TACR3: variants seen among roughly 807,000 people sequenced by gnomAD.
TACR3 encodes tachykinin receptor 3.
In TACR3, 34 loss-of-function variants were observed where a neutral mutation model predicts 35.0. The ratio of observed to expected loss-of-function variants is 0.97; its 90% CI spans 0.74 to 1.30. The LOEUF is 1.30. Among genes scored for constraint, TACR3 ranks in the 50% most tolerant of loss-of-function variants. The pLI is 0.00. For synonymous variants in TACR3, 233 were observed against 221.1 expected, an observed-to-expected ratio of 1.05 and a Z score of -0.48; for missense variants, 558 against 591.7, an observed-to-expected ratio of 0.94 and a Z score of 0.59.
At chr4:103,606,616 GC>G (rs1240327385) in intron 3 of TACR3, among the ~76,000 whole-genome samples, 1 of 151,924 alleles carries the variant, frequency 6.6e-6, no homozygotes. Flanking sequence ...TCATGATTTG[GC>G]TCTCTGTCTG....
chr4:103,595,766 A>ATACTT, intron 3 of TACR3, among the ~76,000 whole-genome samples: 1 of 151,626 alleles, frequency 6.6e-6, no homozygotes, highest in Non-Finnish European at 1.5e-5. Context: ...TTTTATTATT[A>ATACTT]TACTTTAAGT....
intron 1 of TACR3, among the ~76,000 whole-genome samples, chr4:103,718,547 T>A (rs1723140219): frequency 6.6e-6 from 1 of 152,196 alleles, no homozygotes; most frequent in Non-Finnish European, 1.5e-5. Context: ...AAACTGCTAG[T>A]TTACAGTAGT....
chr4:103,719,282 C>T lies in TACR3; in HGVS notation c.394G>A (p.Ala132Thr). The change falls in exon 1 of 5, where the codon GCC (alanine) becomes ACC (threonine). Residue 132 changes from alanine (A) to threonine (T), a missense_variant. By Grantham distance (58) the Ala-to-Thr change is moderately conservative. Coordinates refer to ENST00000304883, the MANE Select transcript of TACR3 (RefSeq NM_001059.3). Reference sequence around the variant, plus strand: ...AACGTGTTGAAGGCGGCCATGGAGGCGTCGGAGAAAGCCAGGTTCACAAGG... The same window carrying T: ...AACGTGTTGAAGGCGGCCATGGAGGTGTCGGAGAAAGCCAGGTTCACAAGG... ...YFLVNLAFSDASMAAFNTLVN... is the reference protein window; with the variant it reads ...YFLVNLAFSDTSMAAFNTLVN... 1 of 1,614,228 alleles carries T rather than the reference C, an allele frequency of 6.2e-7. No homozygotes were observed.
chr4:103,630,880 C>T (rs186941240), intron 3 of TACR3, among the ~76,000 whole-genome samples: 1 of 152,256 alleles, frequency 6.6e-6, no homozygotes, highest in African/African-American at 2.4e-5. Context: ...CACACACACA[C>T]GTGTGTTTAT....
chr4:103,710,859 A>C (rs947606127), intron 1 of TACR3, among the ~76,000 whole-genome samples: 8 of 152,226 alleles, frequency 5.3e-5, no homozygotes, highest in Non-Finnish European at 1.2e-4. Context: ...GAACACTATA[A>C]ACACTTCTAC....
intron 3 of TACR3, among the ~76,000 whole-genome samples, chr4:103,618,564 C>CTTTTTTTTTTTTTT (rs57837921): frequency 2.6e-4 from 16 of 61,444 alleles, no homozygotes; most frequent in African/African-American, 1.4e-3. Flanking sequence ...GTGACTTGGG[C>CTTTTTTTTTTTTTT]TTTTTTTTTT....
At chr4:103,702,302 G>A (rs1021813923) in intron 1 of TACR3, among the ~76,000 whole-genome samples, 1 of 152,140 alleles carries the variant, frequency 6.6e-6, no homozygotes, top group African/African-American at 2.4e-5. Flanking sequence ...ATGAAAAAAT[G>A]CTCATCATCA....
chr4:103,657,812 A>G (rs1473789088), intron 2 of TACR3, among the ~76,000 whole-genome samples: 1 of 152,130 alleles, frequency 6.6e-6, no homozygotes, highest in Non-Finnish European at 1.5e-5. Flanking sequence ...CCAAAATAAA[A>G]TTAGATAACC....
chr4:103,616,842 G>A (rs1724671466), intron 3 of TACR3, among the ~76,000 whole-genome samples: 1 of 152,170 alleles, frequency 6.6e-6, no homozygotes, highest in Non-Finnish European at 1.5e-5. Flanking sequence ...CAGCTACTCA[G>A]GAGGCTGAGG....
intron 1 of TACR3, among the ~76,000 whole-genome samples, chr4:103,715,079 A>C (rs535529125): frequency 1.5e-4 from 23 of 152,318 alleles, no homozygotes; most frequent in African/African-American, 5.1e-4. Flanking sequence ...TATTCATGTA[A>C]GGTATGCCAC....
intron 3 of TACR3, among the ~76,000 whole-genome samples, chr4:103,617,087 A>G (rs1016475085): frequency 6.6e-5 from 10 of 152,252 alleles, no homozygotes; most frequent in Non-Finnish European, 1.5e-4. Context: ...TTAATATGCT[A>G]CTTCACAATG....
intron 1 of TACR3, among the ~76,000 whole-genome samples, chr4:103,677,138 G>A (rs925523155): frequency 6.6e-6 from 1 of 152,120 alleles, no homozygotes; most frequent in Non-Finnish European, 1.5e-5. Flanking sequence ...TTAGAGAAAT[G>A]CATATCAAAA....
chr4:103,629,430 A>G (rs971474316), intron 3 of TACR3, among the ~76,000 whole-genome samples: 7 of 152,144 alleles, frequency 4.6e-5, no homozygotes, highest in African/African-American at 1.7e-4. Context: ...CTGATAAGCA[A>G]CTTCAGCAAA....
intron 3 of TACR3, among the ~76,000 whole-genome samples, chr4:103,617,670 A>G (rs1424385002): frequency 6.6e-6 from 1 of 152,200 alleles, no homozygotes; most frequent in Admixed American, 6.5e-5. Context: ...AAAATGATTC[A>G]TTATCGTTTA....
intron 3 of TACR3, among the ~76,000 whole-genome samples, chr4:103,597,393 C>G (rs935947292): frequency 6.6e-6 from 1 of 152,042 alleles, no homozygotes; most frequent in Non-Finnish European, 1.5e-5. Context: ...AAATGGTCAG[C>G]TTGGTGTGAC....
chr4:103,624,501 G>A (rs746882256), intron 3 of TACR3: 3 of 151,810 alleles, frequency 2.0e-5, no homozygotes, highest in Non-Finnish European at 4.4e-5. Context: ...AAATGATTTC[G>A]ACAAAGCCAT....
intron 1 of TACR3, among the ~76,000 whole-genome samples, chr4:103,673,557 G>A (rs1289345337): frequency 1.3e-5 from 2 of 151,990 alleles, no homozygotes; most frequent in Non-Finnish European, 2.9e-5. Context: ...AATTACCAGA[G>A]TAACATCAAT....
chr4:103,648,356 G>T (rs1402586134), intron 3 of TACR3, among the ~76,000 whole-genome samples: 1 of 151,898 alleles, frequency 6.6e-6, no homozygotes, highest in African/African-American at 2.4e-5. Context: ...TCATTCTGTT[G>T]TGCTATATAA....
At chr4:103,707,448 T>G (rs1372400428) in intron 1 of TACR3, among the ~76,000 whole-genome samples, 3 of 152,224 alleles carry the variant, frequency 2.0e-5, no homozygotes, top group African/African-American at 4.8e-5. Flanking sequence ...CTTAATTTTT[T>G]ATTCATTTAT....
Sources: allele counts gnomAD v4.1 joint callset (sites outside exome capture counted in the v4.1 genomes callset), GRCh38; gene constraint gnomAD v4.1.1; transcripts MANE v1.5; gene names NCBI Gene and HGNC (gene_info 2026-07-23, HGNC 2026-07-21).